TENM4: variants seen among roughly 807,000 people sequenced by gnomAD.
The protein encoded by TENM4 is teneurin transmembrane protein 4, also known as teneurin-4.
A neutral mutation model predicts 243.3 loss-of-function variants in TENM4; 82 were observed. That is an observed-to-expected ratio of 0.34 (90% confidence interval 0.28 to 0.40). The LOEUF is 0.40. Ranked by LOEUF, TENM4 falls within the 10% of genes least tolerant of loss-of-function variation. The probability of loss-of-function intolerance (pLI) is 1.00; values close to 1 mark genes in which losing one functional copy is unlikely to be tolerated. For synonymous variants in TENM4, 1,412 were observed against 1,456.3 expected, an observed-to-expected ratio of 0.97 and a Z score of 0.69; for missense variants, 3,138 against 3,673.3, an observed-to-expected ratio of 0.85 and a Z score of 3.77.
chr11:79,307,478 C>T (rs1372956804), intron 1 of TENM4, among the ~76,000 whole-genome samples: 2 of 152,130 alleles, frequency 1.3e-5, no homozygotes, highest in Admixed American at 6.5e-5. Flanking sequence ...CTCAATCTCT[C>T]CCAATTCTGT....
intron 1 of TENM4, among the ~76,000 whole-genome samples, chr11:79,422,735 C>T (rs1858961653): frequency 6.6e-6 from 1 of 152,286 alleles, no homozygotes; most frequent in East Asian, 1.9e-4. Flanking sequence ...AACCTTGGCT[C>T]CCTGGTAGAA....
At chr11:78,773,657 T>G (rs974456100) in intron 17 of TENM4, among the ~76,000 whole-genome samples, 1 of 152,202 alleles carries the variant, frequency 6.6e-6, no homozygotes. Flanking sequence ...TCTGCCGTTA[T>G]AGCTTGAAAG....
intron 1 of TENM4, among the ~76,000 whole-genome samples, chr11:79,389,158 CTGTT>C (rs1044472021): frequency 2.6e-5 from 4 of 151,770 alleles, no homozygotes; most frequent in East Asian, 3.9e-4. Flanking sequence ...TTTTTTTAGT[CTGTT>C]TGTTTGTTTG....
At chr11:79,340,980 G>T (rs1232540109) in intron 1 of TENM4, among the ~76,000 whole-genome samples, 1 of 152,134 alleles carries the variant, frequency 6.6e-6, no homozygotes, top group Admixed American at 6.5e-5. Context: ...AATTACAAGG[G>T]TTCTTATAAG....
intron 6 of TENM4, among the ~76,000 whole-genome samples, chr11:79,007,366 C>T (rs1858513490): frequency 6.8e-6 from 1 of 147,778 alleles, no homozygotes; most frequent in Non-Finnish European, 1.5e-5. Context: ...ATGAGAAAAC[C>T]AGAGCTGAGA....
chr11:78,739,284 G>A lies in TENM4; in HGVS notation c.2757-714C>T, dbSNP rs149532259. 3.7e-3 allele frequency among the ~76,000 whole-genome samples: 559 copies of A among 152,196 alleles called. 7 individuals carry two copies. The highest frequency in any genetic ancestry group is 0.013 in the African/African-American group (532 of 41,510). ...TGCTTAGTGCCTCTGTCTGTGCAATGTTCTTCCATCTGCCTAAAATGTCAT... is the reference window on the plus strand; with the variant it reads ...TGCTTAGTGCCTCTGTCTGTGCAATATTCTTCCATCTGCCTAAAATGTCAT... On this transcript the variant is annotated intron_variant, in intron 19 of 33. Transcript: ENST00000278550.
At chr11:79,284,590 A>G (rs1856215495) in intron 2 of TENM4, among the ~76,000 whole-genome samples, 1 of 152,234 alleles carries the variant, frequency 6.6e-6, no homozygotes, top group African/African-American at 2.4e-5. Flanking sequence ...CTAAAAATAT[A>G]AAACTCTTAA....
chr11:79,210,659 T>G (rs1863938903), intron 3 of TENM4, among the ~76,000 whole-genome samples: 1 of 152,076 alleles, frequency 6.6e-6, no homozygotes, highest in African/African-American at 2.4e-5. Flanking sequence ...GGGAGGAAAA[T>G]CTGCTTATCC....
intron 23 of TENM4, among the ~76,000 whole-genome samples, chr11:78,725,278 T>C (rs951752462): frequency 4.6e-5 from 7 of 152,234 alleles, no homozygotes; most frequent in Non-Finnish European, 1.0e-4. Context: ...ATTTTAGAAT[T>C]AGTTTGTCAA....
chr11:78,691,313 C>A (rs924178991), intron 28 of TENM4, among the ~76,000 whole-genome samples: 2 of 152,214 alleles, frequency 1.3e-5, no homozygotes, highest in African/African-American at 4.8e-5. Context: ...GCTTCACCAG[C>A]ATTGGAACTG....
chr11:79,390,278 C>T (rs1046645939), intron 1 of TENM4, among the ~76,000 whole-genome samples: 7 of 152,196 alleles, frequency 4.6e-5, no homozygotes, highest in Non-Finnish European at 1.0e-4. Flanking sequence ...ACCATCCCTT[C>T]CTTGTCTTGG....
Position 78,656,984 on chromosome 11 carries a change from G to A in TENM4, c.*1074C>T, listed in dbSNP as rs576393079. The A allele has an allele frequency of 1.0e-3, 397 of 398,534 alleles. 1 individual carries two copies. Among genetic ancestry groups the A allele is most frequent in the African/African-American group, 7.3e-3 (356 of 48,740 alleles). 24.7% of individuals were successfully genotyped at this position (398,534 alleles called of 1,614,324 possible). On this transcript the variant is annotated 3_prime_UTR_variant, in exon 34 of 34. Coordinates refer to ENST00000278550, the MANE Select transcript of TENM4 (RefSeq NM_001098816.3). Reference sequence around the variant, plus strand: ...CAAGCACCTCCCTCCACATTCCTACGTCTCAGTGGTGGCGGCTGAGTGGTG... The same window carrying A: ...CAAGCACCTCCCTCCACATTCCTACATCTCAGTGGTGGCGGCTGAGTGGTG...
At chr11:79,057,425 C>G (rs1859970668) in intron 6 of TENM4, among the ~76,000 whole-genome samples, 1 of 152,162 alleles carries the variant, frequency 6.6e-6, no homozygotes, top group South Asian at 2.1e-4. Context: ...TCCTCACAGC[C>G]TGCTCCCTCA....
chr11:79,369,848 A>G (rs1229331194), intron 1 of TENM4, among the ~76,000 whole-genome samples: 1 of 152,224 alleles, frequency 6.6e-6, no homozygotes, highest in Non-Finnish European at 1.5e-5. Context: ...CATGGTGGCA[A>G]ACATCACCTT....
At chr11:79,205,137 T>A (rs1360296965) in intron 3 of TENM4, among the ~76,000 whole-genome samples, 1 of 152,156 alleles carries the variant, frequency 6.6e-6, no homozygotes, top group African/African-American at 2.4e-5. Context: ...ACTTGCAATA[T>A]CTTTCTTTTT....
chr11:79,361,534 G>A lies in TENM4; in HGVS notation c.-320-63991C>T, dbSNP rs138270193. Among the ~76,000 whole-genome samples the A allele has an allele frequency of 6.6e-3, 1,010 of 152,132 alleles. 11 individuals carry two copies. The highest frequency in any genetic ancestry group is 0.023 in the African/African-American group (957 of 41,478). ...ACTCCCAGTGTTGCTAGTCTCTGGG[G>A]GCTTCAGCACTGCTTCTTGAGTCCC... On this transcript the variant is annotated intron_variant, in intron 1 of 33. Coordinates refer to ENST00000278550, the MANE Select transcript of TENM4 (RefSeq NM_001098816.3).
intron 2 of TENM4, among the ~76,000 whole-genome samples, chr11:79,223,114 C>T (rs2135243033): frequency 6.6e-6 from 1 of 152,076 alleles, no homozygotes; most frequent in South Asian, 2.1e-4. Context: ...CCTGCACATC[C>T]TGCACATGTA....
At chr11:79,434,736 G>C (rs938024122) in intron 1 of TENM4, among the ~76,000 whole-genome samples, 2 of 152,054 alleles carry the variant, frequency 1.3e-5, no homozygotes, top group Admixed American at 6.5e-5. Context: ...GCCATATTCT[G>C]GTTAAAAAGA....
chr11:79,148,973 G>T (rs150547666), intron 3 of TENM4, among the ~76,000 whole-genome samples, 167 bp from the exon 4 acceptor site: 1 of 152,098 alleles, frequency 6.6e-6, no homozygotes, highest in African/African-American at 2.4e-5. Context: ...GTGTTTGAAC[G>T]CTCAGAGGAA....
Sources: gnomAD v4.1 joint callset for allele counts (sites outside exome capture counted in the v4.1 genomes callset) on GRCh38, gnomAD v4.1.1 for gene constraint, MANE v1.5 for transcripts, NCBI Gene and HGNC (gene_info 2026-07-23, HGNC 2026-07-21) for gene names.